The following ATG5 variants were observed in gnomAD, a reference collection of about 807,000 sequenced individuals.
ATG5 encodes autophagy related 5.
ATG5 carries 14 observed loss-of-function variants against 36.5 expected under a neutral mutation model. That is an observed-to-expected ratio of 0.38 (90% CI 0.25 to 0.60). The LOEUF (loss-of-function observed/expected upper bound fraction) is 0.60. Among genes scored for constraint, ATG5 ranks in the 20% least tolerant of loss-of-function variants. ATG5 has a pLI of 0.60. For synonymous variants in ATG5, 95 were observed against 101.5 expected, an observed-to-expected ratio of 0.94 and a Z score of 0.38; for missense variants, 195 against 326.7, an observed-to-expected ratio of 0.60 and a Z score of 3.11.
chr6:106,212,754 A>G (rs911715316), intron 6 of ATG5, among the ~76,000 whole-genome samples: 4 of 152,368 alleles, frequency 2.6e-5, no homozygotes, highest in African/African-American at 9.6e-5. Context: ...CGAACTTACT[A>G]TTTTTGAAAA....
intron 7 of ATG5, among the ~76,000 whole-genome samples, chr6:106,197,317 G>T (rs1397860436): frequency 1.3e-5 from 2 of 152,128 alleles, no homozygotes; most frequent in African/African-American, 2.4e-5. Context: ...AGTGAGAAAT[G>T]TAAGACCAGC....
chr6:106,295,652 C>T (rs760437882), intron 3 of ATG5, among the ~76,000 whole-genome samples: 4 of 151,786 alleles, frequency 2.6e-5, no homozygotes, highest in African/African-American at 4.8e-5. Flanking sequence ...CAATCTTGAC[C>T]TCCTGGGCTC....
At chr6:106,241,417 C>G (rs970164956) in intron 6 of ATG5, among the ~76,000 whole-genome samples, 3 of 152,092 alleles carry the variant, frequency 2.0e-5, no homozygotes, top group Admixed American at 6.5e-5. Context: ...GGTACAGCTA[C>G]TACGGAAAAC....
intron 5 of ATG5, 123 bp from the exon 6 acceptor site, chr6:106,248,367 T>TTATTTTTATTAAA: frequency 1.7e-6 from 1 of 588,666 alleles, no homozygotes; most frequent in Non-Finnish European, 2.9e-6. Context: ...ACATATATTT[T>TTATTTTTATTAAA]CTTATTTTTA....
At chr6:106,300,376 A>T (rs886892102) in intron 3 of ATG5, among the ~76,000 whole-genome samples, 1 of 152,198 alleles carries the variant, frequency 6.6e-6, no homozygotes, top group African/African-American at 2.4e-5. Context: ...AATGTTTTTT[A>T]AAAAATTATA....
At chr6:106,247,862 T>C (rs1360968088) in intron 6 of ATG5, among the ~76,000 whole-genome samples, 1 of 152,228 alleles carries the variant, frequency 6.6e-6, no homozygotes, top group African/African-American at 2.4e-5. Context: ...TTCACCACTC[T>C]GAATGACCGT....
At chr6:106,224,197 C>T (rs908287635) in intron 6 of ATG5, among the ~76,000 whole-genome samples, 1 of 152,110 alleles carries the variant, frequency 6.6e-6, no homozygotes, top group Admixed American at 6.6e-5. Flanking sequence ...GAATAGCATG[C>T]AGTGTTATTT....
intron 4 of ATG5, among the ~76,000 whole-genome samples, chr6:106,289,019 C>T (rs1398753162): frequency 6.6e-6 from 1 of 151,988 alleles, no homozygotes; most frequent in Non-Finnish European, 1.5e-5. Flanking sequence ...TCTATTACAA[C>T]CTTTGAAAAC....
chr6:106,295,320 C>T (rs987310115), intron 3 of ATG5, among the ~76,000 whole-genome samples: 1 of 152,140 alleles, frequency 6.6e-6, no homozygotes, highest in African/African-American at 2.4e-5. Context: ...AAAGACTTAA[C>T]ATTTCAAAAG....
intron 5 of ATG5, among the ~76,000 whole-genome samples, chr6:106,260,655 G>C (rs1477055220): frequency 6.6e-6 from 1 of 152,200 alleles, no homozygotes; most frequent in Non-Finnish European, 1.5e-5. Context: ...CAGTGGCACA[G>C]ATAGTTTTAG....
At chr6:106,256,114 A>G (rs1778789573) in intron 5 of ATG5, among the ~76,000 whole-genome samples, 2 of 152,204 alleles carry the variant, frequency 1.3e-5, no homozygotes, top group South Asian at 4.1e-4. Context: ...AAGACTGACA[A>G]AAAGATACCC....
At chr6:106,308,897 A>C (rs1001743522) in intron 2 of ATG5, among the ~76,000 whole-genome samples, 1 of 152,202 alleles carries the variant, frequency 6.6e-6, no homozygotes, top group Admixed American at 6.5e-5. Flanking sequence ...TCTAAAGTAT[A>C]CTTTGACTTA....
intron 6 of ATG5, among the ~76,000 whole-genome samples, chr6:106,242,557 T>C (rs2114497521): frequency 6.6e-6 from 1 of 151,930 alleles, no homozygotes; most frequent in Admixed American, 6.5e-5. Flanking sequence ...AAATTTTATG[T>C]TACATTTATT....
At chr6:106,318,783 A>C (rs1313481381) in intron 1 of ATG5, among the ~76,000 whole-genome samples, 1 of 152,232 alleles carries the variant, frequency 6.6e-6, no homozygotes, top group Non-Finnish European at 1.5e-5. Context: ...CCAAATTTAT[A>C]GGATCTTAAA....
At chr6:106,206,342 G>C (rs1030191399) in intron 6 of ATG5, among the ~76,000 whole-genome samples, 1 of 152,104 alleles carries the variant, frequency 6.6e-6, no homozygotes, top group Non-Finnish European at 1.5e-5. Context: ...TTGAAGCCTT[G>C]ATCTCTGACT....
intron 3 of ATG5, among the ~76,000 whole-genome samples, chr6:106,294,845 GA>G (rs1219794619): frequency 0.011 from 927 of 85,926 alleles, 11 homozygotes; most frequent in Admixed American, 0.013. Flanking sequence ...CTTTTCTCAA[GA>G]AAAAAAAAAA....
At chr6:106,212,725 C>A (rs1248860318) in intron 6 of ATG5, among the ~76,000 whole-genome samples, 1 of 152,204 alleles carries the variant, frequency 6.6e-6, no homozygotes, top group East Asian at 1.9e-4. Flanking sequence ...ACTTGACACA[C>A]AATTTTGAGA....
At chr6:106,317,611 T>C (rs572914301) in intron 1 of ATG5, among the ~76,000 whole-genome samples, 2 of 152,220 alleles carry the variant, frequency 1.3e-5, no homozygotes, top group Non-Finnish European at 2.9e-5. Context: ...AGCATACTAC[T>C]AGTGTTTTAA....
At chr6:106,299,970 T>C (rs1437156533) in intron 3 of ATG5, among the ~76,000 whole-genome samples, 2 of 152,214 alleles carry the variant, frequency 1.3e-5, no homozygotes, top group Non-Finnish European at 2.9e-5. Context: ...AGTAATTTGA[T>C]GATTGCTGTG....
Sources: gnomAD v4.1 joint callset for allele counts (sites outside exome capture counted in the v4.1 genomes callset) on GRCh38, gnomAD v4.1.1 for gene constraint, MANE v1.5 for transcripts, NCBI Gene and HGNC (gene_info 2026-07-23, HGNC 2026-07-21) for gene names.